LRP8: variants seen among roughly 807,000 people sequenced by gnomAD.
LRP8 encodes the protein low-density lipoprotein receptor-related protein 8.
LRP8 carries 46 observed loss-of-function variants against 111.6 expected under a neutral mutation model. The ratio of observed to expected loss-of-function variants is 0.41; its 90% CI spans 0.33 to 0.53. LRP8 has a LOEUF of 0.53. Ranked by LOEUF, LRP8 falls within the 20% of genes least tolerant of loss-of-function variation. LRP8 has a pLI of 0.20. For synonymous variants in LRP8, 464 were observed against 511.2 expected (o/e 0.91, Z 1.24); for missense variants, 959 against 1,297.4 (o/e 0.74, Z 4.01).
chr1:53,262,376 A>C lies in LRP8; in HGVS notation c.1774+70T>G. ...ATGAGAGGACCCAGAAACAAGACTCATGGAGTTCCAGACAGTGATCAGGAC... is the reference window on the plus strand; with the variant it reads ...ATGAGAGGACCCAGAAACAAGACTCCTGGAGTTCCAGACAGTGATCAGGAC... On this transcript the variant is annotated intron_variant, in intron 11 of 18. Transcript: ENST00000306052. This position sits in a 1 kb window ranked among gnomAD's most constrained non-coding sequence, Gnocchi z 4.8. 6.5e-7 allele frequency: 1 copy of C among 1,539,872 alleles called. No individual in the cohort carries two copies. Among genetic ancestry groups the C allele is most frequent in the South Asian group, 1.1e-5 (1 of 89,278 alleles).
chr1:53,264,044 C>G (rs543956222), intron 10 of LRP8, 125 bp downstream of exon 10: 65 of 902,718 alleles, frequency 7.2e-5, no homozygotes, highest in Non-Finnish European at 1.1e-4. Context: ...ACAAGACTTT[C>G]TTCCCCATGG....
At chr1:53,264,516 C>T (rs1459159922) in intron 9 of LRP8, 120 bp from the exon 10 acceptor site, 5 of 790,772 alleles carry the variant, frequency 6.3e-6, no homozygotes, top group African/African-American at 3.5e-5. Flanking sequence ...TTTAGAGGAA[C>T]GTGGATAATT....
intron 16 of LRP8, among the ~76,000 whole-genome samples, chr1:53,254,478 C>T (rs1209512486): frequency 2.0e-5 from 3 of 152,016 alleles, no homozygotes; most frequent in Non-Finnish European, 4.4e-5. Context: ...TTAAGTGTTT[C>T]CTCAGCACTG....
Position 53,327,842 on chromosome 1 carries a change from A to T in LRP8, c.71T>A (p.Leu24Gln), listed in dbSNP as rs1240872831. ...TGCCGCCGCAAGATGCTGGAGCTGC[A>T]GCAGCAGCAGCAGCAGCAGCAGCAG... ...LLLLLLLLLL[L>Q]QLQHLAAAAA... The change falls in exon 1 of 19, where the codon CTG becomes CAG. Residue 24 changes from leucine to glutamine, a missense_variant. By Grantham distance (113) the Leu-to-Gln change is moderately radical. Coordinates refer to ENST00000306052, the MANE Select transcript of LRP8 (RefSeq NM_004631.5). 3.9e-5 allele frequency: 31 copies of T among 787,138 alleles called. No homozygotes were observed. Among genetic ancestry groups the T allele is most frequent in the South Asian group, 2.1e-4 (8 of 38,024 alleles). 48.8% of individuals were successfully genotyped at this position (787,138 alleles called of 1,614,324 possible). A position where few individuals can be genotyped will look rare whatever the true frequency, so the allele number is the denominator to read the frequency against.
At chr1:53,302,771 CCTCAACCTTGCAGG>C (rs935344713) in intron 2 of LRP8, among the ~76,000 whole-genome samples, 7 of 150,904 alleles carry the variant, frequency 4.6e-5, no homozygotes, top group Non-Finnish European at 8.8e-5. Context: ...CTCACTGCAG[CCTCAACCTTGCAGG>C]CTCAAGCCAT....
chr1:53,269,368 T>G (rs1339142143), intron 8 of LRP8, among the ~76,000 whole-genome samples: 1 of 152,002 alleles, frequency 6.6e-6, no homozygotes, highest in African/African-American at 2.4e-5. Context: ...CAGGCTGGAG[T>G]GCAGTGGCAT....
chr1:53,327,785 G>A lies in LRP8; in HGVS notation c.124+4C>T. The A allele has an allele frequency of 6.6e-7, 1 of 1,509,210 alleles. No individual in the cohort carries two copies. The highest frequency in any genetic ancestry group is 8.8e-7 in the Non-Finnish European group (1 of 1,134,234). 93.5% of individuals were successfully genotyped at this position (1,509,210 alleles called of 1,614,324 possible). On this transcript the variant is annotated splice_donor_region_variant and intron_variant, in intron 1 of 18. Transcript: ENST00000306052. ...GAGCCGAGTCAGAGACCGGCTGCACGCACCTTGGCCGCCGAGCAGCGGATC... is the reference window on the plus strand; with the variant it reads ...GAGCCGAGTCAGAGACCGGCTGCACACACCTTGGCCGCCGAGCAGCGGATC...
At chr1:53,327,702 TG>T in intron 1 of LRP8, 86 bp downstream of exon 1, 1 of 1,349,042 alleles carries the variant, frequency 7.4e-7, no homozygotes, top group Non-Finnish European at 9.6e-7. Context: ...CCCCGGGTTC[TG>T]GACCCCTCCC....
intron 2 of LRP8, chr1:53,306,230 T>C (rs1239850334): frequency 6.6e-6 from 1 of 152,224 alleles, no homozygotes; most frequent in African/African-American, 2.4e-5. Context: ...CTATACAGAA[T>C]GTACAGCCCA....
chr1:53,251,002 T>TTGAAAGCCCATCTC (rs1553174613), intron 16 of LRP8, 140 bp from the exon 17 acceptor site: 4 of 674,452 alleles, frequency 5.9e-6, no homozygotes, highest in Non-Finnish European at 1.0e-5. Context: ...TTACTGCTGT[T>TTGAAAGCCCATCTC]TGAAAGCCCA....
intron 3 of LRP8, among the ~76,000 whole-genome samples, chr1:53,281,243 A>T (rs1432347594): frequency 2.0e-5 from 3 of 152,222 alleles, no homozygotes; most frequent in Admixed American, 1.3e-4. Flanking sequence ...GATGGTGCTG[A>T]TCCTGCTGCT....
Position 53,294,588 on chromosome 1 carries a change from G to C in LRP8, c.245-4899C>G, listed in dbSNP as rs2100476621. On this transcript the variant is annotated intron_variant, in intron 2 of 18. Transcript: ENST00000306052. This position sits in a 1 kb window ranked among gnomAD's most constrained non-coding sequence, Gnocchi z 4.1. The stretch of plus-strand genomic sequence containing the variant: ...GCCCCAGGGCTTTATGAACTGAGAA[G>C]CAAAAAGGTGCAAGTTAGAGGTGTG... Among the ~76,000 whole-genome samples the C allele has an allele frequency of 6.6e-6, 1 of 152,258 alleles. No individual in the cohort carries two copies. Among genetic ancestry groups the C allele is most frequent in the East Asian group, 1.9e-4 (1 of 5,180 alleles).
At position 53,250,156 on chromosome 1, in the gene LRP8, C is replaced by T. The variant is rs1461544586; in HGVS notation, c.2676+534G>A. Among the ~76,000 whole-genome samples the T allele has an allele frequency of 6.6e-6, 1 of 152,206 alleles. No homozygotes were observed. The highest frequency in any genetic ancestry group is 2.4e-5 in the African/African-American group (1 of 41,442). On this transcript the variant is annotated intron_variant, in intron 17 of 18. Transcript: ENST00000306052. This position sits in a 1 kb window ranked among gnomAD's most constrained non-coding sequence, Gnocchi z 4.6. ...AGTATCTCTAACTCCCTACCAGCTTCTTGGGAGCAAGCATGTTCCTTATTG... is the reference window on the plus strand; with the variant it reads ...AGTATCTCTAACTCCCTACCAGCTTTTTGGGAGCAAGCATGTTCCTTATTG...
In LRP8 at chr1:53,327,841, CAGCA is replaced by C. The variant is rs765598168; in HGVS notation, c.68_71del (p.Leu23ArgfsTer50). Reference sequence around the variant, plus strand: ...CTGCCGCCGCAAGATGCTGGAGCTGCAGCAGCAGCAGCAGCAGCAGCAGCAGCAG... The same window carrying C: ...CTGCCGCCGCAAGATGCTGGAGCTGCGCAGCAGCAGCAGCAGCAGCAGCAG... On this transcript the variant is annotated frameshift_variant, in exon 1 of 19. Coordinates refer to ENST00000306052, the MANE Select transcript of LRP8 (RefSeq NM_004631.5). LOFTEE classifies it high-confidence loss of function. The C allele has an allele frequency of 1.8e-5, 19 of 1,071,150 alleles. No individual in the cohort carries two copies. The highest frequency in any genetic ancestry group is 1.1e-4 in the African/African-American group (7 of 64,096). The allele number at this position is 1,071,150 out of a possible 1,614,324, so 66.4% of individuals were successfully genotyped here. A position where few individuals can be genotyped will look rare whatever the true frequency, so the allele number is the denominator to read the frequency against.
rs773716837 is a variant in LRP8, at chr1:53,289,708, A to G, written c.245-19T>C. The G allele has an allele frequency of 1.2e-6, 2 of 1,613,052 alleles. No homozygotes were observed. Among genetic ancestry groups the G allele is most frequent in the Non-Finnish European group, 1.7e-6 (2 of 1,179,426 alleles). Reference sequence around the variant, plus strand: ...TTCTTGGCTGCAGGGCAAGGAAGAGAGCGTGGTGAGCCTGGGAGCAGTCAG... The same window carrying G: ...TTCTTGGCTGCAGGGCAAGGAAGAGGGCGTGGTGAGCCTGGGAGCAGTCAG... On this transcript the variant is annotated intron_variant, in intron 2 of 18. Transcript: ENST00000306052.
chr1:53,327,775 C>T lies in LRP8; in HGVS notation c.124+14G>A. On this transcript the variant is annotated intron_variant, in intron 1 of 18. Transcript: ENST00000306052. ...GGGCGGAGCAGAGCCGAGTCAGAGA[C>T]CGGCTGCACGCACCTTGGCCGCCGA... The T allele has an allele frequency of 1.3e-6, 2 of 1,505,992 alleles. No individual in the cohort carries two copies. Among genetic ancestry groups the T allele is most frequent in the East Asian group, 5.3e-5 (2 of 37,404 alleles). 93.3% of individuals were successfully genotyped at this position (1,505,992 alleles called of 1,614,324 possible). A position where few individuals can be genotyped will look rare whatever the true frequency, so the allele number is the denominator to read the frequency against.
Position 53,244,482 on chromosome 1 carries a change from TG to T in LRP8, c.*2535del, listed in dbSNP as rs1645690288. The stretch of plus-strand genomic sequence containing the variant: ...CTCTATGAATGGGGGAAGGTGGATC[TG>T]ACTCCTCAGGTTTCATCTTATTTAC... On this transcript the variant is annotated 3_prime_UTR_variant, in exon 19 of 19. Transcript: ENST00000306052. The T allele has an allele frequency of 6.6e-6, 1 of 152,264 alleles. No homozygotes were observed. The highest frequency in any genetic ancestry group is 2.1e-4 in the South Asian group (1 of 4,830). 9.4% of individuals were successfully genotyped at this position (152,264 alleles called of 1,614,324 possible).
At chr1:53,254,767 T>C (rs1646018176) in intron 16 of LRP8, among the ~76,000 whole-genome samples, 1 of 152,210 alleles carries the variant, frequency 6.6e-6, no homozygotes, top group Non-Finnish European at 1.5e-5. Context: ...ATCCTTGATA[T>C]CCTACCATGT....
At chr1:53,267,715 A>AT (rs1646626370) in intron 8 of LRP8, 1 of 152,244 alleles carries the variant, frequency 6.6e-6, no homozygotes, top group African/African-American at 2.4e-5. Context: ...TTAGGGTTAG[A>AT]TTTTAAGATG....
Sources: gnomAD v4.1 joint callset for allele counts (sites outside exome capture counted in the v4.1 genomes callset) on GRCh38, gnomAD v4.1.1 for gene constraint, Gnocchi (gnomAD v3.1) non-coding constraint, MANE v1.5 for transcripts, NCBI Gene and HGNC (gene_info 2026-07-23, HGNC 2026-07-21) for gene names.